Variants in GPLD1 observed in about 807,000 individuals in gnomAD.
GPLD1 encodes the protein phosphatidylinositol-glycan-specific phospholipase D.
A neutral mutation model predicts 112.6 loss-of-function variants in GPLD1; 84 were observed. That is an observed-to-expected ratio of 0.75 (90% confidence interval 0.63 to 0.89). The LOEUF (loss-of-function observed/expected upper bound fraction) is 0.89. Ranked by LOEUF, GPLD1 falls within the 40% of genes least tolerant of loss-of-function variation. The pLI is 0.00. For synonymous variants in GPLD1, 386 were observed against 403.8 expected (o/e 0.96, Z 0.53); for missense variants, 1,044 against 1,051.5 (o/e 0.99, Z 0.10).
At chr6:24,487,005 T>G (rs577717180) in intron 1 of GPLD1, among the ~76,000 whole-genome samples, 10 of 152,266 alleles carry the variant, frequency 6.6e-5, no homozygotes, top group Admixed American at 2.0e-4. Flanking sequence ...ACCCACAGCC[T>G]GAATCTCCCA....
chr6:24,473,434 A>C, intron 6 of GPLD1, 185 bp downstream of exon 6: 2 of 428,476 alleles, frequency 4.7e-6, no homozygotes, highest in Non-Finnish European at 8.6e-6. Flanking sequence ...TATAGACACA[A>C]GTTTTTAGAA....
upstream of GPLD1, among the ~76,000 whole-genome samples, chr6:24,493,733 T>C (rs1236568939): frequency 2.0e-5 from 3 of 152,186 alleles, no homozygotes; most frequent in African/African-American, 4.8e-5. Flanking sequence ...CAAAACTCAA[T>C]GGATCTGACT....
At chr6:24,438,516 G>A (rs777166560) in intron 20 of GPLD1, among the ~76,000 whole-genome samples, 2 of 152,174 alleles carry the variant, frequency 1.3e-5, no homozygotes, top group Non-Finnish European at 2.9e-5. Flanking sequence ...GGACAAACTT[G>A]TGCCTTGTTT....
At chr6:24,449,996 G>A (rs188679906) in intron 14 of GPLD1, 97 bp from the exon 15 acceptor site, 554 of 757,402 alleles carry the variant, frequency 7.3e-4, no homozygotes, top group Non-Finnish European at 1.0e-3. Flanking sequence ...GACAACCCCC[G>A]CCCCCCGCCA....
chr6:24,455,822 A>C (rs1431380097), intron 13 of GPLD1, among the ~76,000 whole-genome samples: 2 of 152,186 alleles, frequency 1.3e-5, no homozygotes, highest in Non-Finnish European at 2.9e-5. Context: ...CCTTGTATTT[A>C]AACATATTTG....
chr6:24,463,807 G>A (rs560755075), intron 10 of GPLD1, among the ~76,000 whole-genome samples: 13 of 152,144 alleles, frequency 8.5e-5, no homozygotes, highest in Admixed American at 7.9e-4. Flanking sequence ...ATTTTTTTGT[G>A]TTGTCTCTTT....
Position 24,486,115 on chromosome 6 carries a change from TC to T in GPLD1, c.112del (p.Glu38SerfsTer17). 6.3e-7 allele frequency: 1 copy of T among 1,586,198 alleles called. No individual in the cohort carries two copies. The highest frequency in any genetic ancestry group is 8.6e-7 in the Non-Finnish European group (1 of 1,156,446). ...ACGCCCATTGTGAAGCTGAAGAAAC[TC>T]CAGAGCTCTGTGTCCTGAGAGAAAT... is the stretch of plus-strand genomic sequence containing the variant. ...THVEIGHRAL[E>X]FLQLHNGRVN... is the part of the protein sequence containing the mutation. On this transcript the variant is annotated frameshift_variant, in exon 2 of 25. Coordinates refer to ENST00000230036, the MANE Select transcript of GPLD1 (RefSeq NM_001503.4). LOFTEE classifies it high-confidence loss of function.
chr6:24,451,674 T>C (rs1763094196), intron 14 of GPLD1, among the ~76,000 whole-genome samples: 1 of 152,218 alleles, frequency 6.6e-6, no homozygotes, highest in Non-Finnish European at 1.5e-5. Flanking sequence ...TAACAACGAA[T>C]GGCCTTTCAC....
chr6:24,485,857 T>C (rs1231123572), intron 2 of GPLD1, among the ~76,000 whole-genome samples: 1 of 152,032 alleles, frequency 6.6e-6, no homozygotes, highest in Non-Finnish European at 1.5e-5. Flanking sequence ...TTAGTGGAGA[T>C]GGGGTTTCTC....
intron 10 of GPLD1, among the ~76,000 whole-genome samples, chr6:24,465,151 C>T (rs968807351): frequency 2.9e-5 from 4 of 137,038 alleles, no homozygotes; most frequent in Admixed American, 7.6e-5. Context: ...GAGCCGAGAT[C>T]GCACCACTGC....
At chr6:24,463,716 A>G (rs1326997828) in intron 10 of GPLD1, among the ~76,000 whole-genome samples, 1 of 152,224 alleles carries the variant, frequency 6.6e-6, no homozygotes, top group Non-Finnish European at 1.5e-5. Flanking sequence ...AACATAAGTG[A>G]GCTTTGGAAG....
intron 24 of GPLD1, among the ~76,000 whole-genome samples, chr6:24,431,250 C>T (rs755580951): frequency 1.3e-5 from 2 of 152,174 alleles, no homozygotes; most frequent in Non-Finnish European, 2.9e-5. Context: ...CACCTTCCAC[C>T]CTGGTCCACA....
intron 11 of GPLD1, among the ~76,000 whole-genome samples, chr6:24,460,968 C>G (rs1763414717): frequency 1.3e-5 from 2 of 152,198 alleles, no homozygotes. Context: ...GGCTCGAACT[C>G]CTGAGCTCAG....
At chr6:24,473,151 A>T (rs1029334647) in intron 6 of GPLD1, 6 of 152,112 alleles carry the variant, frequency 3.9e-5, no homozygotes, top group African/African-American at 1.5e-4. Flanking sequence ...ATAAATTAAG[A>T]AAGAACTGGC....
intron 3 of GPLD1, among the ~76,000 whole-genome samples, chr6:24,479,090 A>C (rs954928009): frequency 1.3e-5 from 2 of 152,040 alleles, no homozygotes; most frequent in Non-Finnish European, 2.9e-5. Context: ...CTCCAATCAG[A>C]AACATTCCAA....
At chr6:24,453,537 G>A (rs62401919) in intron 14 of GPLD1, among the ~76,000 whole-genome samples, 4,135 of 152,294 alleles carry the variant, frequency 0.027, 85 homozygotes, top group Non-Finnish European at 0.038. Context: ...TCAGGAGGCT[G>A]AGGCAGGAGA....
chr6:24,485,363 C>A (rs979703182), intron 2 of GPLD1, among the ~76,000 whole-genome samples: 3 of 152,092 alleles, frequency 2.0e-5, no homozygotes, highest in Non-Finnish European at 4.4e-5. Flanking sequence ...CATAGCGAGA[C>A]CCCCATCTCT....
chr6:24,424,313 T>G (rs938383936), downstream of GPLD1: 13 of 151,414 alleles, frequency 8.6e-5, no homozygotes, highest in African/African-American at 3.2e-4. Flanking sequence ...CCCCTGAGAC[T>G]AGTTTTCTTT....
intron 10 of GPLD1, 25 bp from the exon 11 acceptor site, chr6:24,462,820 G>A: frequency 6.5e-7 from 1 of 1,527,856 alleles, no homozygotes; most frequent in Non-Finnish European, 9.1e-7. Context: ...AAATGAGTTA[G>A]CCATTTATCT....
Sources: allele counts gnomAD v4.1 joint callset (sites outside exome capture counted in the v4.1 genomes callset), GRCh38; gene constraint gnomAD v4.1.1; transcripts MANE v1.5; gene names NCBI Gene and HGNC (gene_info 2026-07-23, HGNC 2026-07-21).